The following SORCS2 variants were observed in gnomAD, a reference collection of about 807,000 sequenced individuals.
The protein encoded by SORCS2 is VPS10 domain-containing receptor SorCS2.
SORCS2 carries 100 observed loss-of-function variants against 141.6 expected under a neutral mutation model. The observed-to-expected ratio is 0.71, with a 90% CI of 0.60 to 0.83. The LOEUF (loss-of-function observed/expected upper bound fraction) is 0.83. Among genes scored for constraint, SORCS2 ranks in the 40% least tolerant of loss-of-function variants. The pLI is 0.00. For synonymous variants in SORCS2, 789 were observed against 676.9 expected, an observed-to-expected ratio of 1.17 and a Z score of -2.57; for missense variants, 1,646 against 1,560.2, an observed-to-expected ratio of 1.05 and a Z score of -0.93.
chr4:7,586,614 G>T (rs556778543), intron 3 of SORCS2, among the ~76,000 whole-genome samples: 125 of 152,174 alleles, frequency 8.2e-4, no homozygotes, highest in Non-Finnish European at 1.3e-3. Context: ...GTTTGCTGAG[G>T]ATAATGGCTT....
rs748593550 is a variant in SORCS2 at position 7,729,694 on chromosome 4, G to C, written c.3090G>C (p.Arg1030Ser). Residue 1030 changes from arginine (R) to serine (S), a missense_variant, in exon 23 of 27, where the codon AGG becomes AGC. By Grantham distance (110) the Arg-to-Ser change is moderately radical (BLOSUM62 -1). Coordinates refer to ENST00000507866, the MANE Select transcript of SORCS2 (RefSeq NM_020777.3). The stretch of plus-strand genomic sequence containing the variant: ...CCCCTCCCAGGCCCACAAGGAAGAG[G>C]AGCCTCTCGAGTGATAAGGTATGTC... The part of the protein sequence containing the change: ...LLPPPRPTRK[R>S]SLSSDKRLAA... 2 of 1,610,806 alleles carry C rather than the reference G, an allele frequency of 1.2e-6. No homozygotes were observed. Among genetic ancestry groups the C allele is most frequent in the Non-Finnish European group, 1.7e-6 (2 of 1,178,740 alleles).
intron 2 of SORCS2, among the ~76,000 whole-genome samples, chr4:7,443,772 C>G (rs1727826150): frequency 6.6e-6 from 1 of 152,250 alleles, no homozygotes; most frequent in Middle Eastern, 3.2e-3. Flanking sequence ...GAATGCTGAA[C>G]TGGCCAAGCA....
intron 1 of SORCS2, among the ~76,000 whole-genome samples, chr4:7,384,199 G>A (rs1207101622): frequency 6.6e-6 from 1 of 152,074 alleles, no homozygotes; most frequent in African/African-American, 2.4e-5. Flanking sequence ...CCCTCCTTGC[G>A]TGAGTGGCAA....
chr4:7,582,059 C>A (rs1349256036), intron 3 of SORCS2, among the ~76,000 whole-genome samples: 6 of 152,068 alleles, frequency 3.9e-5, no homozygotes, highest in African/African-American at 1.4e-4. Context: ...ATTTAGATAA[C>A]GATGATTTGG....
chr4:7,346,359 T>A (rs1351162341), intron 1 of SORCS2, among the ~76,000 whole-genome samples: 1 of 152,256 alleles, frequency 6.6e-6, no homozygotes, highest in African/African-American at 2.4e-5. Context: ...AATTTCTTTC[T>A]AATATTGATT....
chr4:7,443,782 A>G (rs1727826492), intron 2 of SORCS2, among the ~76,000 whole-genome samples: 1 of 152,202 alleles, frequency 6.6e-6, no homozygotes, highest in African/African-American at 2.4e-5. Context: ...CTGGCCAAGC[A>G]TCTCCCATGT....
rs1039079966 is a variant in SORCS2, at chr4:7,570,592, G to A, written c.648+38963G>A. The stretch of plus-strand genomic sequence containing the variant: ...AGATCCGCCACCCTGCATAGAGGGC[G>A]GTGCCCATGGAAATGGGAGGTGGGG... On this transcript the variant is annotated intron_variant, in intron 3 of 26. Coordinates refer to ENST00000507866, the MANE Select transcript of SORCS2 (RefSeq NM_020777.3). Among the ~76,000 whole-genome samples, 6 of 152,234 alleles carry A rather than the reference G, an allele frequency of 3.9e-5. No individual in the cohort carries two copies. In the South Asian group the frequency reaches 8.3e-4, roughly 21 times the overall value.
At chr4:7,697,345 C>G in intron 12 of SORCS2, 71 bp downstream of exon 12, 1 of 1,309,980 alleles carries the variant, frequency 7.6e-7, no homozygotes, top group Non-Finnish European at 1.1e-6. Context: ...CACTTCTGTT[C>G]TGTCATCCCG....
intron 1 of SORCS2, among the ~76,000 whole-genome samples, chr4:7,285,142 C>T (rs1227797004): frequency 2.0e-5 from 3 of 151,928 alleles, no homozygotes; most frequent in African/African-American, 7.3e-5. Context: ...AAACGATTCT[C>T]GTGCCTCAGC....
At chr4:7,463,993 T>A (rs6846363) in intron 2 of SORCS2, among the ~76,000 whole-genome samples, 84,507 of 152,008 alleles carry the variant, frequency 0.56, 24,556 homozygotes, top group African/African-American at 0.69. Flanking sequence ...TCCTCTCCTT[T>A]TTTGGTTTTT....
At chr4:7,449,975 T>C (rs1728336031) in intron 2 of SORCS2, among the ~76,000 whole-genome samples, 1 of 152,182 alleles carries the variant, frequency 6.6e-6, no homozygotes, top group Admixed American at 6.5e-5. Context: ...CTTTCCTGCT[T>C]ACCCTCCAAC....
At chr4:7,333,018 G>A (rs980598879) in intron 1 of SORCS2, among the ~76,000 whole-genome samples, 7 of 152,242 alleles carry the variant, frequency 4.6e-5, no homozygotes, top group African/African-American at 9.6e-5. Context: ...CACCTGGCAC[G>A]GAACAGGCTC....
intron 1 of SORCS2, among the ~76,000 whole-genome samples, chr4:7,255,473 A>G (rs1002919105): frequency 1.3e-5 from 2 of 151,882 alleles, no homozygotes; most frequent in African/African-American, 4.8e-5. Context: ...GGCGTTGGAG[A>G]GAGGGTGTGC....
At chr4:7,245,571 G>A (rs557001794) in intron 1 of SORCS2, among the ~76,000 whole-genome samples, 2 of 152,312 alleles carry the variant, frequency 1.3e-5, no homozygotes, top group South Asian at 4.1e-4. Context: ...TGTGAAGTGG[G>A]ACCAATGTTA....
At chr4:7,531,455 G>A in intron 2 of SORCS2, 75 bp from the exon 3 acceptor site, 1 of 1,410,844 alleles carries the variant, frequency 7.1e-7, no homozygotes, top group Non-Finnish European at 9.9e-7. Context: ...CAGGGCAGGG[G>A]CTGGACACCG....
Position 7,568,956 on chromosome 4 carries a change from T to C in SORCS2, c.648+37327T>C, listed in dbSNP as rs562970253. ...GGAACAGCTCCCCAAGGCTGGACTC[T>C]ACCTTGGCTCAGAACTCCCACCTCA... On this transcript the variant is annotated intron_variant, in intron 3 of 26. Coordinates refer to ENST00000507866, the MANE Select transcript of SORCS2 (RefSeq NM_020777.3). Among the ~76,000 whole-genome samples the C allele has an allele frequency of 3.3e-5, 5 of 152,316 alleles. No homozygotes were observed. The East Asian group carries it at 9.7e-4, about 29-fold the overall frequency.
intron 1 of SORCS2, among the ~76,000 whole-genome samples, chr4:7,351,265 A>G (rs1183482968): frequency 6.6e-6 from 1 of 152,180 alleles, no homozygotes; most frequent in Non-Finnish European, 1.5e-5. Flanking sequence ...GGCAGAACAG[A>G]GACCTGCTCA....
rs1481689191 is a variant in SORCS2 at position 7,664,430 on chromosome 4, C to T, written c.1030C>T (p.His344Tyr). 1.2e-6 allele frequency: 2 copies of T among 1,613,940 alleles called. No homozygotes were observed. The highest frequency in any genetic ancestry group is 1.7e-4 in the Middle Eastern group (1 of 6,060). ...AGCCCCATTCGCAGGCCCCATTGAC[C>T]ACGGGTCTCTGACCGTGCAGGACGA... ...LTAPFAGPID[H>Y]GSLTVQDDYI... is the part of the protein sequence containing the mutation. Residue 344 changes from histidine (H) to tyrosine (Y), a missense_variant, in exon 7 of 27, where the codon CAC becomes TAC. Transcript: ENST00000507866. This position sits in a 1 kb window ranked among gnomAD's most constrained non-coding sequence, Gnocchi z 4.7.
intron 1 of SORCS2, among the ~76,000 whole-genome samples, chr4:7,355,638 G>A (rs1721203620): frequency 1.3e-5 from 2 of 152,132 alleles, no homozygotes; most frequent in Non-Finnish European, 2.9e-5. Context: ...TTGCAACAAG[G>A]AAGTGAAAGA....
Sources: gnomAD v4.1 joint callset for allele counts (sites outside exome capture counted in the v4.1 genomes callset) on GRCh38, gnomAD v4.1.1 for gene constraint, Gnocchi (gnomAD v3.1) non-coding constraint, MANE v1.5 for transcripts, NCBI Gene and HGNC (gene_info 2026-07-23, HGNC 2026-07-21) for gene names.